The following KLF8 variants were observed in gnomAD, a reference collection of about 807,000 sequenced individuals.
KLF8 encodes the protein KLF transcription factor 8.
KLF8 carries 10 observed loss-of-function variants against 18.2 expected under a neutral mutation model. The ratio of observed to expected loss-of-function variants is 0.55; its 90% CI spans 0.34 to 0.93. KLF8 has a LOEUF of 0.93. KLF8 is among the 40% of genes least tolerant of loss of function. KLF8 has a pLI of 0.02. For synonymous variants in KLF8, 109 were observed against 97.3 expected, an observed-to-expected ratio of 1.12 and a Z score of -0.71; for missense variants, 264 against 277.9, an observed-to-expected ratio of 0.95 and a Z score of 0.36.
intron 5 of KLF8, among the ~76,000 whole-genome samples, 179 bp downstream of exon 5, chrX:56,270,500 T>C (rs2067042606): frequency 9.1e-6 from 1 of 110,401 alleles, no homozygotes; most frequent in Non-Finnish European, 1.9e-5. Context: ...TTTATACTCA[T>C]GGGCACAGGC....
At chrX:56,274,521 C>A (rs2067097207) in intron 5 of KLF8, among the ~76,000 whole-genome samples, 1 of 111,539 alleles carries the variant, frequency 9.0e-6, no homozygotes, top group Non-Finnish European at 1.9e-5. Flanking sequence ...AACTTTATGG[C>A]ACCCCATTTG....
chrX:55,961,346 C>T, the KLF8 span: 1 of 455,633 alleles, frequency 2.2e-6, no homozygotes, highest in Non-Finnish European at 4.2e-6. Flanking sequence ...CTGGGAGTCA[C>T]CAAAGCCTTT....
the KLF8 span, chrX:55,961,956 C>T: frequency 5.3e-6 from 1 of 187,580 alleles, no homozygotes. Flanking sequence ...ATGATTGTAA[C>T]AAGGATGCCT....
intron 2 of KLF8, 115 bp downstream of exon 2, chrX:56,250,419 A>G: frequency 1.8e-6 from 1 of 550,861 alleles, no homozygotes; most frequent in Non-Finnish European, 3.0e-6. Context: ...GGGGATTGAG[A>G]AGAGGTGAAG....
At chrX:56,106,716 A>G in the KLF8 span, among the ~76,000 whole-genome samples, 2 of 112,202 alleles carry the variant, frequency 1.8e-5, no homozygotes, top group Non-Finnish European at 3.8e-5. Flanking sequence ...TACTTCTGTC[A>G]ACTCATCAAA....
the KLF8 span, among the ~76,000 whole-genome samples, chrX:55,978,520 A>G: frequency 4.5e-5 from 5 of 112,094 alleles, no homozygotes; most frequent in African/African-American, 1.6e-4. Flanking sequence ...TTTATGTACC[A>G]TAAAATTCAC....
chrX:56,272,667 T>A (rs180895439), intron 5 of KLF8, among the ~76,000 whole-genome samples: 1 of 111,263 alleles, frequency 9.0e-6, no homozygotes, highest in Non-Finnish European at 1.9e-5. Flanking sequence ...ATAGGCTTAG[T>A]TGCTTTAGGA....
the KLF8 span, among the ~76,000 whole-genome samples, chrX:55,920,531 G>A: frequency 9.2e-4 from 102 of 110,910 alleles, no homozygotes; most frequent in Non-Finnish European, 1.5e-3. Flanking sequence ...CATGATACAG[G>A]ATAGGAAAGG....
chrX:56,150,523 A>G, the KLF8 span, among the ~76,000 whole-genome samples: 1 of 111,867 alleles, frequency 8.9e-6, no homozygotes, highest in Non-Finnish European at 1.9e-5. Flanking sequence ...ATTTTGTCAA[A>G]TGAGTAATGT....
At chrX:56,030,742 G>A in the KLF8 span, among the ~76,000 whole-genome samples, 1 of 107,417 alleles carries the variant, frequency 9.3e-6, no homozygotes, top group African/African-American at 3.4e-5. Context: ...CTCTCTGCTT[G>A]GTAAGGGAGG....
At chrX:56,216,952 A>T in the KLF8 span, among the ~76,000 whole-genome samples, 1 of 110,890 alleles carries the variant, frequency 9.0e-6, no homozygotes, top group East Asian at 2.8e-4. Context: ...GCCTTCCTTG[A>T]TCTCCCCTGC....
At chrX:55,992,860 A>G in the KLF8 span, among the ~76,000 whole-genome samples, 1,278 of 111,124 alleles carry the variant, frequency 0.012, 9 homozygotes, top group Middle Eastern at 0.037. Flanking sequence ...TTTTGTGGCT[A>G]TTGTGAATAG....
In KLF8 at chrX:56,280,791, T is replaced by C. The variant is rs2067191189; in HGVS notation, c.899-3522T>C. Among the ~76,000 whole-genome samples the C allele has an allele frequency of 2.7e-5, 3 of 112,303 alleles. No individual in the cohort carries two copies. In the South Asian group the frequency reaches 1.1e-3, roughly 42 times the overall value. ...CTCAATAAATGCTAGGTTTTATTAA[T>C]GTTTTTCTTTCAATTCCAATCTCGC... On this transcript the variant is annotated intron_variant, in intron 5 of 5. Coordinates refer to ENST00000468660, the MANE Select transcript of KLF8 (RefSeq NM_007250.5).
the KLF8 span, among the ~76,000 whole-genome samples, chrX:56,142,572 GC>G: frequency 9.0e-6 from 1 of 111,460 alleles, no homozygotes; most frequent in Non-Finnish European, 1.9e-5. Context: ...TATATACCCA[GC>G]TAAAACCATA....
the KLF8 span, among the ~76,000 whole-genome samples, chrX:55,939,245 G>A: frequency 9.0e-6 from 1 of 111,594 alleles, no homozygotes; most frequent in Non-Finnish European, 1.9e-5. Context: ...TCAAGTACAT[G>A]GAAACTGAAC....
the KLF8 span, among the ~76,000 whole-genome samples, chrX:55,970,954 G>A: frequency 4.2e-4 from 47 of 111,795 alleles, no homozygotes; most frequent in Middle Eastern, 4.2e-3. Context: ...TCATGGATTG[G>A]AAGAATCAAC....
chrX:56,035,481 C>T, the KLF8 span, among the ~76,000 whole-genome samples: 3 of 111,804 alleles, frequency 2.7e-5, no homozygotes, highest in African/African-American at 9.8e-5. Flanking sequence ...TAAATAAATG[C>T]CTAGTAATGG....
chrX:56,104,307 C>T, the KLF8 span, among the ~76,000 whole-genome samples: 1,365 of 111,157 alleles, frequency 0.012, 9 homozygotes, highest in African/African-American at 0.042. Flanking sequence ...CCTCCTTGTA[C>T]CTCTGGTAGA....
At chrX:56,069,072 G>A in the KLF8 span, among the ~76,000 whole-genome samples, 1 of 107,382 alleles carries the variant, frequency 9.3e-6, no homozygotes, top group Non-Finnish European at 2.0e-5. Context: ...ATGCTGGCAT[G>A]CACAGCCTCC....
Sources: gnomAD v4.1 joint callset for allele counts (sites outside exome capture counted in the v4.1 genomes callset) on GRCh38, gnomAD v4.1.1 for gene constraint, MANE v1.5 for transcripts, NCBI Gene and HGNC (gene_info 2026-07-23, HGNC 2026-07-21) for gene names.